PLCZ1: variants seen among roughly 807,000 people sequenced by gnomAD.
The protein encoded by PLCZ1 is phospholipase C zeta 1.
In PLCZ1, 64 loss-of-function variants were observed where a neutral mutation model predicts 76.8. The ratio of observed to expected loss-of-function variants is 0.83; its 90% CI spans 0.68 to 1.03. The LOEUF (loss-of-function observed/expected upper bound fraction) is 1.03. PLCZ1 is among the 50% of genes least tolerant of loss of function. The pLI is 0.00. For synonymous variants in PLCZ1, 248 were observed against 230.8 expected (o/e 1.07, Z -0.68); for missense variants, 751 against 713.7 (o/e 1.05, Z -0.60).
intron 3 of PLCZ1, among the ~76,000 whole-genome samples, chr12:18,734,650 C>G (rs1312824802): frequency 6.6e-6 from 1 of 152,164 alleles, no homozygotes; most frequent in African/African-American, 2.4e-5. Flanking sequence ...CACACCCGGC[C>G]TTGTGGTAGT....
chr12:18,689,243 G>C (rs911126244), intron 12 of PLCZ1, among the ~76,000 whole-genome samples: 3 of 151,860 alleles, frequency 2.0e-5, no homozygotes, highest in African/African-American at 7.3e-5. Flanking sequence ...TCCCAAAATG[G>C]AGTAGGTTCA....
the PLCZ1 span, among the ~76,000 whole-genome samples, chr12:18,669,939 A>G: frequency 6.6e-6 from 1 of 152,206 alleles, no homozygotes; most frequent in African/African-American, 2.4e-5. Flanking sequence ...AAGTGCTGGG[A>G]CTACAGGTGT....
the PLCZ1 span, among the ~76,000 whole-genome samples, chr12:18,650,327 C>CTATATATA: frequency 7.5e-5 from 6 of 79,758 alleles, no homozygotes; most frequent in Non-Finnish European, 1.2e-4. Context: ...CTCTCTCTCT[C>CTATATATA]TCTCTATATA....
At chr12:18,671,433 G>A in the PLCZ1 span, among the ~76,000 whole-genome samples, 4 of 152,110 alleles carry the variant, frequency 2.6e-5, no homozygotes, top group Non-Finnish European at 4.4e-5. Flanking sequence ...GGGACTGTGT[G>A]TGACTGCGTC....
chr12:18,684,078 C>T (rs1405750742), intron 14 of PLCZ1, 52 bp downstream of exon 14: 1 of 1,590,362 alleles, frequency 6.3e-7, no homozygotes, highest in Non-Finnish European at 8.6e-7. Flanking sequence ...CTTTGATATA[C>T]ACAAGTTATA....
rs1448601829 is a variant in PLCZ1, at chr12:18,705,229, A to T, written c.801T>A (p.Thr267=). 3.1e-6 allele frequency: 5 copies of T among 1,614,092 alleles called. No individual in the cohort carries two copies. Among genetic ancestry groups the T allele is most frequent in the South Asian group, 1.1e-5 (1 of 91,080 alleles). The part of the protein sequence containing the change: ...QEVMADNLQA[T]FGESLLSDML... ...TATCAGAAAGCAAGGACTCTCCAAA[A>T]GTAGCCTGCAAATTGTCTGCCATTA... The change falls in exon 7 of 15, where the codon ACT becomes ACA. Residue 267 remains threonine (T), a synonymous_variant. Coordinates refer to ENST00000266505, the MANE Select transcript of PLCZ1 (RefSeq NM_033123.4).
intron 4 of PLCZ1, among the ~76,000 whole-genome samples, chr12:18,721,778 T>C (rs1419502008): frequency 6.6e-6 from 1 of 151,856 alleles, no homozygotes; most frequent in Non-Finnish European, 1.5e-5. Flanking sequence ...TCGCTTAGTA[T>C]TCTTGTGCAA....
chr12:18,737,228 A>G, intron 2 of PLCZ1, 133 bp downstream of exon 2: 1 of 964,708 alleles, frequency 1.0e-6, no homozygotes, highest in East Asian at 2.4e-5. Flanking sequence ...GCTCAGAACA[A>G]ACAGGGAAAA....
At chr12:18,719,715 A>C (rs961808159) in intron 4 of PLCZ1, 83 bp from the exon 5 acceptor site, 1 of 914,472 alleles carries the variant, frequency 1.1e-6, no homozygotes, top group Non-Finnish European at 1.7e-6. Context: ...TTGTAAACTT[A>C]CTCAGTAGTA....
At chr12:18,709,720 G>GA (rs889457841) in intron 6 of PLCZ1, among the ~76,000 whole-genome samples, 9 of 150,622 alleles carry the variant, frequency 6.0e-5, no homozygotes, top group Admixed American at 2.6e-4. Flanking sequence ...CACCCCAAGG[G>GA]AAAAAAAACC....
At chr12:18,722,894 T>C (rs867979066) in intron 4 of PLCZ1, among the ~76,000 whole-genome samples, 1 of 152,018 alleles carries the variant, frequency 6.6e-6, no homozygotes, top group Non-Finnish European at 1.5e-5. Flanking sequence ...ATTTAGCACA[T>C]TTAATTTTCA....
At chr12:18,692,882 A>G (rs1430423878) in intron 12 of PLCZ1, 1 of 1,602,542 alleles carries the variant, frequency 6.2e-7, no homozygotes, top group African/African-American at 1.3e-5. Flanking sequence ...CAGTGGGGAA[A>G]AAGAAGAAGA....
At chr12:18,713,029 TAAA>T in intron 5 of PLCZ1, 43 bp from the exon 6 acceptor site, 1 of 1,605,804 alleles carries the variant, frequency 6.2e-7, no homozygotes, top group Non-Finnish European at 8.5e-7. Flanking sequence ...CCTGGACCAT[TAAA>T]AATATATACC....
chr12:18,673,543 C>T, the PLCZ1 span, among the ~76,000 whole-genome samples: 1 of 152,078 alleles, frequency 6.6e-6, no homozygotes, highest in Non-Finnish European at 1.5e-5. Context: ...CCTTTATCTC[C>T]CCACAAAGAA....
At position 18,733,165 on chromosome 12, in the gene PLCZ1, T is replaced by C. The variant is rs534760159; in HGVS notation, c.135+3056A>G. 8.5e-5 allele frequency among the ~76,000 whole-genome samples: 13 copies of C among 152,352 alleles called. No homozygotes were observed. The South Asian group carries it at 1.2e-3, about 15-fold the overall frequency. ...AATCATTCTTACAGGTATGAGGTGA[T>C]AGCTCATGTGATTTGATTTGCATTT... On this transcript the variant is annotated intron_variant, in intron 3 of 14. Coordinates refer to ENST00000266505, the MANE Select transcript of PLCZ1 (RefSeq NM_033123.4).
intron 4 of PLCZ1, among the ~76,000 whole-genome samples, chr12:18,720,631 T>C (rs1373106572): frequency 6.6e-6 from 1 of 151,978 alleles, no homozygotes. Context: ...GTTGCTATTA[T>C]TACTGTTGAT....
At chr12:18,699,681 G>T (rs991329983) in intron 10 of PLCZ1, 113 bp downstream of exon 10, 30 of 1,167,912 alleles carry the variant, frequency 2.6e-5, no homozygotes, top group Non-Finnish European at 3.7e-5. Context: ...TGTTAAATGT[G>T]TTGAAATTTT....
At chr12:18,668,896 A>G in the PLCZ1 span, among the ~76,000 whole-genome samples, 12 of 152,122 alleles carry the variant, frequency 7.9e-5, no homozygotes, top group Non-Finnish European at 1.8e-4. Flanking sequence ...TGGACTTTCA[A>G]TTGTAAATGT....
Position 18,705,168 on chromosome 12 carries a change from C to G in PLCZ1, c.862G>C (p.Glu288Gln). ...AGTTTCTCAGAAAAAAATGTTACCT[C>G]TGGTGATGGTAGAGTATCAGGAAAA... ...DDFPDTLPSP[E>Q]ALKFKILVKN... The change falls in exon 7 of 15, where the codon GAG becomes CAG. Residue 288 changes from glutamate to glutamine, a missense_variant and splice_region_variant. By Grantham distance (29) the Glu-to-Gln change is conservative. Coordinates refer to ENST00000266505, the MANE Select transcript of PLCZ1 (RefSeq NM_033123.4). 6.2e-7 allele frequency: 1 copy of G among 1,613,968 alleles called. No individual in the cohort carries two copies. The highest frequency in any genetic ancestry group is 8.5e-7 in the Non-Finnish European group (1 of 1,179,966).
Sources: gnomAD v4.1 joint callset for allele counts (sites outside exome capture counted in the v4.1 genomes callset) on GRCh38, gnomAD v4.1.1 for gene constraint, MANE v1.5 for transcripts, NCBI Gene and HGNC (gene_info 2026-07-23, HGNC 2026-07-21) for gene names.